Variants in ADCY2 observed in about 807,000 individuals in gnomAD.
ADCY2 encodes the protein adenylate cyclase type 2.
A neutral mutation model predicts 125.2 loss-of-function variants in ADCY2; 31 were observed. The observed-to-expected ratio is 0.25, with a 90% CI of 0.19 to 0.33. The LOEUF (loss-of-function observed/expected upper bound fraction) is 0.33, where lower values mean the gene tolerates loss of function less well. ADCY2 is among the 10% of genes least tolerant of loss of function. ADCY2 has a pLI of 1.00. For missense variants in ADCY2, 904 were observed against 1,418.2 expected, an observed-to-expected ratio of 0.64 and a Z score of 5.82; for synonymous variants, 512 against 548.4, an observed-to-expected ratio of 0.93 and a Z score of 0.93.
chr5:7,397,436 C>T (rs1739093083), intron 1 of ADCY2, among the ~76,000 whole-genome samples: 1 of 143,230 alleles, frequency 7.0e-6, no homozygotes, highest in Non-Finnish European at 1.5e-5. Flanking sequence ...ATTGATTATC[C>T]ACCAGTGAGT....
intron 3 of ADCY2, among the ~76,000 whole-genome samples, chr5:7,594,909 G>A (rs905377219): frequency 6.6e-6 from 1 of 152,204 alleles, no homozygotes; most frequent in South Asian, 2.1e-4. Flanking sequence ...AAGGAAGAAC[G>A]GAGCCTCAAG....
intron 2 of ADCY2, among the ~76,000 whole-genome samples, chr5:7,519,098 C>T (rs1744352217): frequency 6.6e-6 from 1 of 152,184 alleles, no homozygotes; most frequent in African/African-American, 2.4e-5. Context: ...GCTATGTCTC[C>T]TGAATCTTTC....
chr5:7,503,337 G>A (rs140368179), intron 2 of ADCY2, among the ~76,000 whole-genome samples: 1 of 152,180 alleles, frequency 6.6e-6, no homozygotes, highest in Non-Finnish European at 1.5e-5. Context: ...CCATTCAAGT[G>A]CATCACCACA....
At chr5:7,815,381 G>A (rs960823307) in intron 22 of ADCY2, among the ~76,000 whole-genome samples, 3 of 152,106 alleles carry the variant, frequency 2.0e-5, no homozygotes, top group Non-Finnish European at 2.9e-5. Flanking sequence ...AGCCATGCCC[G>A]GCAGGCCTGG....
chr5:7,552,030 T>G (rs550069668), intron 3 of ADCY2, among the ~76,000 whole-genome samples: 216 of 152,342 alleles, frequency 1.4e-3, no homozygotes, highest in African/African-American at 5.1e-3. Flanking sequence ...TACAGAGTTG[T>G]GCCATTTAAT....
At chr5:7,419,516 G>A (rs1198682311) in intron 2 of ADCY2, among the ~76,000 whole-genome samples, 6 of 152,146 alleles carry the variant, frequency 3.9e-5, no homozygotes, top group South Asian at 2.1e-4. Flanking sequence ...GCTCAATCAC[G>A]TCCTGCCTGC....
At chr5:7,810,224 A>T (rs1180531522) in intron 22 of ADCY2, among the ~76,000 whole-genome samples, 5 of 152,066 alleles carry the variant, frequency 3.3e-5, no homozygotes, top group Non-Finnish European at 7.4e-5. Flanking sequence ...TGGGTTATCT[A>T]CCTGATTGGT....
chr5:7,821,423 C>T (rs1465337922), intron 24 of ADCY2, among the ~76,000 whole-genome samples: 2 of 152,136 alleles, frequency 1.3e-5, no homozygotes, highest in Non-Finnish European at 2.9e-5. Flanking sequence ...AGTGGTTCTG[C>T]CCAGGTTGAC....
At chr5:7,508,312 C>G (rs975008882) in intron 2 of ADCY2, among the ~76,000 whole-genome samples, 9 of 152,160 alleles carry the variant, frequency 5.9e-5, no homozygotes, top group African/African-American at 1.9e-4. Context: ...GAATAACAAG[C>G]CCCAAATCTC....
At chr5:7,694,302 A>G (rs1279945585) in intron 5 of ADCY2, among the ~76,000 whole-genome samples, 1 of 152,194 alleles carries the variant, frequency 6.6e-6, no homozygotes, top group Non-Finnish European at 1.5e-5. Context: ...AACATTTACA[A>G]TTGCAATCAA....
At chr5:7,708,904 C>A (rs919284427) in intron 9 of ADCY2, among the ~76,000 whole-genome samples, 6 of 152,110 alleles carry the variant, frequency 3.9e-5, no homozygotes, top group Non-Finnish European at 1.5e-5. Context: ...AAAAACACAA[C>A]CATCAAGAAA....
chr5:7,626,178 T>A lies in ADCY2; in HGVS notation c.582T>A (p.Asn194Lys). 6.2e-7 allele frequency: 1 copy of A among 1,613,844 alleles called. No homozygotes were observed. Among genetic ancestry groups the A allele is most frequent in the Non-Finnish European group, 8.5e-7 (1 of 1,179,910 alleles). The change falls in exon 4 of 25, where the codon AAT (asparagine) becomes AAA (lysine). Residue 194 changes from asparagine to lysine, a missense_variant. Around this residue, in one of 7 missense-constraint regions of ADCY2, gnomAD observed 121 missense variants for 161.5 expected, o/e 0.75. Transcript: ENST00000338316. ...KEHLVWQILA[N>K]VIIFICGNLA... ...TTCTGTCTCTTTAGATCCTGGCCAA[T>A]GTGATCATTTTCATCTGTGGGAACC...
At chr5:7,407,661 G>A (rs1489282641) in intron 1 of ADCY2, among the ~76,000 whole-genome samples, 1 of 152,120 alleles carries the variant, frequency 6.6e-6, no homozygotes, top group Non-Finnish European at 1.5e-5. Flanking sequence ...CTGTGCTTCA[G>A]CAGCCAGTGT....
intron 2 of ADCY2, among the ~76,000 whole-genome samples, chr5:7,483,798 T>C (rs1032719): frequency 0.32 from 48,882 of 152,084 alleles, 8,699 homozygotes; most frequent in East Asian, 0.53. Context: ...TCTTTTCCTC[T>C]CCAAATCTGG....
intron 4 of ADCY2, among the ~76,000 whole-genome samples, chr5:7,676,493 CT>C (rs1483677118): frequency 7.1e-6 from 1 of 140,990 alleles, no homozygotes. Flanking sequence ...CTTTAATTTT[CT>C]TGACAAAACA....
intron 2 of ADCY2, among the ~76,000 whole-genome samples, chr5:7,415,889 T>C (rs182314402): frequency 2.1e-4 from 32 of 152,088 alleles, no homozygotes; most frequent in African/African-American, 7.2e-4. Context: ...CATGGAGTTT[T>C]GAAGCCATCC....
intron 20 of ADCY2, chr5:7,801,953 A>G: frequency 2.6e-6 from 1 of 383,412 alleles, no homozygotes; most frequent in South Asian, 6.7e-5. Flanking sequence ...GTCTGTTGTC[A>G]TTGTCTCAAG....
intron 2 of ADCY2, among the ~76,000 whole-genome samples, chr5:7,499,251 C>G (rs2126500189): frequency 6.6e-6 from 1 of 152,184 alleles, no homozygotes; most frequent in East Asian, 1.9e-4. Context: ...CATGATCCAC[C>G]CATCTCGGCC....
At chr5:7,469,603 A>T (rs1194261828) in intron 2 of ADCY2, among the ~76,000 whole-genome samples, 1 of 151,782 alleles carries the variant, frequency 6.6e-6, no homozygotes, top group Non-Finnish European at 1.5e-5. Flanking sequence ...ATTTTTTTTA[A>T]GCTTTGGCTT....
Sources: gnomAD v4.1 joint callset for allele counts (sites outside exome capture counted in the v4.1 genomes callset) on GRCh38, gnomAD v4.1.1 for gene constraint, gnomAD v4.1.1 regional missense constraint, MANE v1.5 for transcripts, NCBI Gene and HGNC (gene_info 2026-07-23, HGNC 2026-07-21) for gene names.